The following NECTIN3 variants were observed in gnomAD, a reference collection of about 807,000 sequenced individuals.
The protein encoded by NECTIN3 is nectin-3.
Under a neutral mutation model 49.4 loss-of-function variants are expected in NECTIN3, and 8 were observed. The observed-to-expected ratio is 0.16, with a 90% confidence interval of 0.10 to 0.29. NECTIN3 has a LOEUF of 0.29. Among genes scored for constraint, NECTIN3 ranks in the 10% least tolerant of loss-of-function variants. The pLI, the probability that NECTIN3 is intolerant of heterozygous loss-of-function variation, is 1.00. For missense variants in NECTIN3, 581 were observed against 654.6 expected (o/e 0.89, Z 1.23); for synonymous variants, 277 against 241.1 (o/e 1.15, Z -1.38).
intron 1 of NECTIN3, among the ~76,000 whole-genome samples, chr3:111,101,091 T>G (rs191746093): frequency 5.3e-5 from 8 of 152,208 alleles, no homozygotes; most frequent in Admixed American, 2.6e-4. Context: ...GATCACTACC[T>G]CTATAAAATG....
chr3:111,193,832 G>T (rs2035857738), intron 1 of NECTIN3, among the ~76,000 whole-genome samples: 1 of 152,134 alleles, frequency 6.6e-6, no homozygotes, highest in Non-Finnish European at 1.5e-5. Flanking sequence ...CTGGGATTTG[G>T]ATTTCCCTGA....
exon 7 of NECTIN3, chr3:111,147,405 T>C (rs1023015031): frequency 6.5e-7 from 1 of 1,528,202 alleles, no homozygotes; most frequent in Admixed American, 2.0e-5. Context: ...CAATGCAGGA[T>C]TGACCTTCCA....
At position 111,135,831 on chromosome 3, in the gene NECTIN3, A is replaced by G. The variant is rs1261465968; in HGVS notation, c.*1616A>G. On this transcript the variant is annotated 3_prime_UTR_variant, in exon 6 of 6. Transcript: ENST00000485303. ...TAAACTAGTTTTCTTCATTTTAACTAGCACTATTTTGTGGAAATTAGAAAC... is the reference window on the plus strand; with the variant it reads ...TAAACTAGTTTTCTTCATTTTAACTGGCACTATTTTGTGGAAATTAGAAAC... 1 of 928,772 alleles carries G rather than the reference A, an allele frequency of 1.1e-6. No individual in the cohort carries two copies. The highest frequency in any genetic ancestry group is 1.8e-5 in the African/African-American group (1 of 55,626). 57.5% of individuals were successfully genotyped at this position (928,772 alleles called of 1,614,324 possible). A position where few individuals can be genotyped will look rare whatever the true frequency, so the allele number is the denominator to read the frequency against.
In NECTIN3 at chr3:111,102,921, G is replaced by A. The variant is rs77809929; in HGVS notation, c.161-9109G>A. Among the ~76,000 whole-genome samples the A allele has an allele frequency of 4.8e-3, 736 of 152,178 alleles. 54 individuals carry two copies. The East Asian group carries it at 0.13, about 27-fold the overall frequency. ...GAAAAGATCTTTTCTTTATTACATTGCCTTTGCTCTTTTGTTAAAGATCAA... is the reference window on the plus strand; with the variant it reads ...GAAAAGATCTTTTCTTTATTACATTACCTTTGCTCTTTTGTTAAAGATCAA... On this transcript the variant is annotated intron_variant, in intron 1 of 5. Coordinates refer to ENST00000485303, the MANE Select transcript of NECTIN3 (RefSeq NM_015480.3).
chr3:111,081,135 G>A (rs367958206), intron 1 of NECTIN3, among the ~76,000 whole-genome samples: 3 of 152,246 alleles, frequency 2.0e-5, no homozygotes, highest in South Asian at 2.1e-4. Flanking sequence ...AAATAAATAA[G>A]CCAGGCATGG....
At chr3:111,121,001 CTTTTTTTTTTTT>C (rs397954033) in intron 3 of NECTIN3, among the ~76,000 whole-genome samples, 6 of 129,558 alleles carry the variant, frequency 4.6e-5, no homozygotes, top group Non-Finnish European at 8.3e-5. Context: ...TTATTTCTTT[CTTTTTTTTTTTT>C]TTTTTTTGAG....
At chr3:111,120,878 C>T (rs2033920797) in intron 3 of NECTIN3, among the ~76,000 whole-genome samples, 1 of 151,950 alleles carries the variant, frequency 6.6e-6, no homozygotes, top group African/African-American at 2.4e-5. Context: ...CTTCTTGGCC[C>T]TCATAAGGAG....
chr3:111,091,278 C>T (rs562798325), intron 1 of NECTIN3, among the ~76,000 whole-genome samples: 5 of 151,908 alleles, frequency 3.3e-5, no homozygotes, highest in East Asian at 3.9e-4. Context: ...TTTTTTGAGA[C>T]GGAGTCTTGC....
intron 1 of NECTIN3, among the ~76,000 whole-genome samples, chr3:111,084,063 A>G (rs2031788399): frequency 6.6e-6 from 1 of 152,226 alleles, no homozygotes; most frequent in South Asian, 2.1e-4. Flanking sequence ...CCAGGAAAAG[A>G]GATAAGTGGA....
chr3:111,191,248 A>T, upstream of NECTIN3, among the ~76,000 whole-genome samples: 1 of 152,242 alleles, frequency 6.6e-6, no homozygotes, highest in South Asian at 2.1e-4. Flanking sequence ...GACAACTTGC[A>T]TAACTAAGCC....
chr3:111,155,723 T>C (rs1370057567), intron 7 of NECTIN3, among the ~76,000 whole-genome samples: 1 of 152,154 alleles, frequency 6.6e-6, no homozygotes, highest in East Asian at 1.9e-4. Flanking sequence ...TTTGATATGT[T>C]AAAAATAGAA....
At chr3:111,122,283 C>A in intron 4 of NECTIN3, 45 bp downstream of exon 4, 1 of 1,375,168 alleles carries the variant, frequency 7.3e-7, no homozygotes, top group Non-Finnish European at 1.0e-6. Flanking sequence ...AAAGTGAAAC[C>A]TTCTTAAATC....
chr3:111,124,898 C>T (rs1163813344), intron 4 of NECTIN3, among the ~76,000 whole-genome samples: 1 of 151,950 alleles, frequency 6.6e-6, no homozygotes, highest in Non-Finnish European at 1.5e-5. Flanking sequence ...CAGAGTATGG[C>T]AAATAGTGGG....
intron 7 of NECTIN3, among the ~76,000 whole-genome samples, chr3:111,161,551 C>T (rs1236837735): frequency 2.0e-5 from 3 of 152,174 alleles, no homozygotes; most frequent in African/African-American, 7.2e-5. Context: ...GGGGAGTCAG[C>T]ATTACCGCCT....
At chr3:111,165,130 G>A (rs924208054) in intron 7 of NECTIN3, among the ~76,000 whole-genome samples, 4 of 151,822 alleles carry the variant, frequency 2.6e-5, no homozygotes, top group African/African-American at 4.8e-5. Flanking sequence ...TGCAAGCTCC[G>A]CCTCCCAGGT....
intron 1 of NECTIN3, among the ~76,000 whole-genome samples, chr3:111,090,287 C>T (rs7612667): frequency 0.71 from 107,423 of 151,952 alleles, 43,629 homozygotes; most frequent in Non-Finnish European, 0.93. Flanking sequence ...CTTGTCCATA[C>T]GTCCTTTGTT....
At chr3:111,166,752 A>G (rs2035325984) in intron 7 of NECTIN3, among the ~76,000 whole-genome samples, 1 of 152,192 alleles carries the variant, frequency 6.6e-6, no homozygotes, top group Admixed American at 6.5e-5. Context: ...GACAGTAATG[A>G]TCGAAAGCTT....
At chr3:111,140,881 A>T (rs997744084), downstream of NECTIN3, among the ~76,000 whole-genome samples, 2 of 152,006 alleles carry the variant, frequency 1.3e-5, no homozygotes, top group African/African-American at 4.8e-5. Context: ...CATGTATTAT[A>T]TACTAGTAAA....
upstream of NECTIN3, among the ~76,000 whole-genome samples, chr3:111,192,131 C>T (rs139817505): frequency 2.1e-3 from 324 of 152,212 alleles, 13 homozygotes; most frequent in East Asian, 0.06. Flanking sequence ...TGTGCCCAGC[C>T]CTATATTTTC....
Sources: allele counts gnomAD v4.1 joint callset (sites outside exome capture counted in the v4.1 genomes callset), GRCh38; gene constraint gnomAD v4.1.1; transcripts MANE v1.5; gene names NCBI Gene and HGNC (gene_info 2026-07-23, HGNC 2026-07-21).